SLC30A8: variants seen among roughly 807,000 people sequenced by gnomAD.
SLC30A8 encodes the protein proton-coupled zinc antiporter SLC30A8.
Under a neutral mutation model 36.9 loss-of-function variants are expected in SLC30A8, and 27 were observed. The ratio of observed to expected loss-of-function variants is 0.73; its 90% CI spans 0.54 to 1.01. The LOEUF is 1.01. Among genes scored for constraint, SLC30A8 ranks in the 50% least tolerant of loss-of-function variants. The pLI is 0.00. For synonymous variants in SLC30A8, 164 were observed against 172.4 expected (o/e 0.95, Z 0.38); for missense variants, 439 against 452.0 (o/e 0.97, Z 0.26).
chr8:117,075,750 A>G (rs187595321), intron 2 of SLC30A8, among the ~76,000 whole-genome samples: 105 of 152,328 alleles, frequency 6.9e-4, no homozygotes, highest in African/African-American at 2.4e-3. Context: ...TAATCAAGTC[A>G]CTTTCATGTT....
Position 117,152,962 on chromosome 8 carries a change from G to A in SLC30A8, c.290G>A (p.Ser97Asn). The change falls in exon 3 of 8, where the codon AGT (serine) becomes AAT (asparagine). Residue 97 changes from serine to asparagine, a missense_variant. By Grantham distance (46) the Ser-to-Asn change is conservative. Transcript: ENST00000456015. ...TCTCTAGGTGGGCACATTGCTGGGA[G>A]TCTTGCTGTTGTCACAGATGCTGCC... ...AEVVGGHIAG[S>N]LAVVTDAAHL... is the part of the protein sequence containing the mutation. 6.2e-7 allele frequency: 1 copy of A among 1,610,970 alleles called. No individual in the cohort carries two copies.
chr8:117,151,602 G>A (rs1183903921), intron 2 of SLC30A8, among the ~76,000 whole-genome samples: 1 of 152,162 alleles, frequency 6.6e-6, no homozygotes, highest in Non-Finnish European at 1.5e-5. Flanking sequence ...GGTGCCTCCT[G>A]CCTCAGCTGA....
At chr8:117,013,797 A>T (rs1816423516) in intron 1 of SLC30A8, among the ~76,000 whole-genome samples, 1 of 152,024 alleles carries the variant, frequency 6.6e-6, no homozygotes, top group Non-Finnish European at 1.5e-5. Context: ...ATTTAACTTC[A>T]TTTTTTTCTT....
chr8:117,014,013 A>G (rs955415668), intron 1 of SLC30A8, among the ~76,000 whole-genome samples: 9 of 152,156 alleles, frequency 5.9e-5, no homozygotes, highest in Non-Finnish European at 1.0e-4. Flanking sequence ...ACAGACTATC[A>G]ATATGTTTTC....
intron 1 of SLC30A8, among the ~76,000 whole-genome samples, chr8:117,018,675 C>T (rs3064227): frequency 0.32 from 33,535 of 105,272 alleles, 5,568 homozygotes; most frequent in African/African-American, 0.49. Flanking sequence ...CCCCCCCCCC[C>T]TTTTTTTTTT....
chr8:117,111,128 GTGTT>G (rs1487091447), intron 2 of SLC30A8, among the ~76,000 whole-genome samples: 1 of 152,130 alleles, frequency 6.6e-6, no homozygotes, highest in Non-Finnish European at 1.5e-5. Context: ...ATCTTTGTAG[GTGTT>G]TGTAATAATA....
At chr8:117,024,686 T>C (rs181020815) in intron 1 of SLC30A8, among the ~76,000 whole-genome samples, 1 of 152,354 alleles carries the variant, frequency 6.6e-6, no homozygotes, top group East Asian at 1.9e-4. Context: ...ATGAGACTCC[T>C]TTTGTCTGTA....
chr8:117,010,797 T>G (rs1157442534), intron 1 of SLC30A8, among the ~76,000 whole-genome samples: 2 of 152,102 alleles, frequency 1.3e-5, no homozygotes, highest in African/African-American at 4.8e-5. Context: ...AACAGGCACA[T>G]CTTATATGGC....
chr8:117,142,254 C>A lies in SLC30A8; in HGVS notation c.72-4700C>A, dbSNP rs959280780. On this transcript the variant is annotated intron_variant, in intron 1 of 7. Coordinates refer to ENST00000456015, the MANE Select transcript of SLC30A8 (RefSeq NM_173851.3). Reference sequence around the variant, plus strand: ...CCTCCCAAAAGTCCCTCAAATATGACTACTTCTTTCTATTTTTATTGTCAC... The same window carrying A: ...CCTCCCAAAAGTCCCTCAAATATGAATACTTCTTTCTATTTTTATTGTCAC... 3.3e-5 allele frequency among the ~76,000 whole-genome samples: 5 copies of A among 152,180 alleles called. 1 individual carries two copies. The South Asian group carries it at 1.0e-3, about 32-fold the overall frequency.
At chr8:117,142,255 T>G (rs1013341108) in intron 1 of SLC30A8, among the ~76,000 whole-genome samples, 4 of 152,088 alleles carry the variant, frequency 2.6e-5, no homozygotes, top group African/African-American at 9.7e-5. Flanking sequence ...CAAATATGAC[T>G]ACTTCTTTCT....
At position 117,172,711 on chromosome 8, in the gene SLC30A8, G is replaced by C; in HGVS notation, c.*30G>C. On this transcript the variant is annotated 3_prime_UTR_variant, in exon 8 of 8. Transcript: ENST00000456015. ...GTCACACCGTCAGTTTCCCAAATTT[G>C]ACAGGCCACCTTCAAACATGCTGCT... 6.2e-7 allele frequency: 1 copy of C among 1,612,162 alleles called. No individual in the cohort carries two copies. The highest frequency in any genetic ancestry group is 8.5e-7 in the Non-Finnish European group (1 of 1,178,546).
intron 2 of SLC30A8, among the ~76,000 whole-genome samples, chr8:117,076,454 T>A (rs1818490259): frequency 1.3e-5 from 2 of 152,238 alleles, no homozygotes; most frequent in East Asian, 3.9e-4. Context: ...AAATAGTTAC[T>A]CATCAAGATG....
chr8:117,106,428 C>T (rs1563600819), intron 2 of SLC30A8, among the ~76,000 whole-genome samples: 1 of 152,092 alleles, frequency 6.6e-6, no homozygotes, highest in Non-Finnish European at 1.5e-5. Context: ...CAACCTAATA[C>T]ATTATTGAGT....
At chr8:117,035,366 C>T (rs1376967615) in intron 1 of SLC30A8, among the ~76,000 whole-genome samples, 1 of 152,228 alleles carries the variant, frequency 6.6e-6, no homozygotes, top group African/African-American at 2.4e-5. Flanking sequence ...AGGCCCCATG[C>T]AAGTCTGAAA....
chr8:117,081,177 C>T (rs1818665718), intron 2 of SLC30A8, among the ~76,000 whole-genome samples: 1 of 152,112 alleles, frequency 6.6e-6, no homozygotes. Context: ...GGGAGAAAAA[C>T]CCTAAAGTGC....
upstream of SLC30A8, among the ~76,000 whole-genome samples, chr8:117,134,431 T>G (rs1821267779): frequency 1.3e-5 from 2 of 151,962 alleles, no homozygotes; most frequent in South Asian, 4.1e-4. Context: ...TTTCTCTTAT[T>G]TGGGAAGGAA....
At chr8:117,137,361 A>G (rs1013650483) in intron 1 of SLC30A8, among the ~76,000 whole-genome samples, 1 of 151,866 alleles carries the variant, frequency 6.6e-6, no homozygotes, top group African/African-American at 2.4e-5. Flanking sequence ...TTCTATTTAA[A>G]TGGTTACTGG....
intron 1 of SLC30A8, among the ~76,000 whole-genome samples, chr8:117,018,407 T>C (rs1038042796): frequency 6.6e-6 from 1 of 152,224 alleles, no homozygotes; most frequent in African/African-American, 2.4e-5. Flanking sequence ...TTTTTTTTAC[T>C]AAGTCTTCAA....
At chr8:117,022,223 T>G (rs1374907751) in intron 1 of SLC30A8, among the ~76,000 whole-genome samples, 1 of 151,680 alleles carries the variant, frequency 6.6e-6, no homozygotes, top group Non-Finnish European at 1.5e-5. Context: ...GAAAACAAGT[T>G]AAGTTCCTAT....
Sources: allele counts gnomAD v4.1 joint callset (sites outside exome capture counted in the v4.1 genomes callset), GRCh38; gene constraint gnomAD v4.1.1; transcripts MANE v1.5; gene names NCBI Gene and HGNC (gene_info 2026-07-23, HGNC 2026-07-21).